CCDC192: variants seen among roughly 807,000 people sequenced by gnomAD.
The protein encoded by CCDC192 is coiled-coil domain containing 192, also known as coiled-coil domain-containing protein 192.
chr5:127,743,429 A>G (rs1288372636), intron 2 of CCDC192, among the ~76,000 whole-genome samples: 2 of 152,188 alleles, frequency 1.3e-5, no homozygotes, highest in Non-Finnish European at 2.9e-5. Context: ...TGTCTTGATC[A>G]ATACATTCTT....
At chr5:127,841,083 T>C (rs1044634436) in intron 5 of CCDC192, among the ~76,000 whole-genome samples, 4 of 152,194 alleles carry the variant, frequency 2.6e-5, no homozygotes, top group African/African-American at 9.7e-5. Flanking sequence ...TACTTTACAG[T>C]GCCAGGAACA....
At chr5:127,854,691 G>A (rs756098829) in intron 5 of CCDC192, among the ~76,000 whole-genome samples, 3 of 152,050 alleles carry the variant, frequency 2.0e-5, no homozygotes, top group Non-Finnish European at 4.4e-5. Context: ...TCACATACAC[G>A]CATACCTCAG....
intron 2 of CCDC192, among the ~76,000 whole-genome samples, chr5:127,727,913 C>T (rs1216375074): frequency 1.3e-5 from 2 of 152,216 alleles, no homozygotes; most frequent in African/African-American, 4.8e-5. Context: ...GTATCTACAG[C>T]CAAATAGACC....
intron 6 of CCDC192, among the ~76,000 whole-genome samples, chr5:127,923,478 C>G (rs1219994496): frequency 6.6e-6 from 1 of 151,638 alleles, no homozygotes; most frequent in Admixed American, 6.6e-5. Context: ...CCCGGATTCA[C>G]GCCATTCTCC....
chr5:127,883,285 C>G (rs948761871), intron 6 of CCDC192, among the ~76,000 whole-genome samples: 1 of 152,198 alleles, frequency 6.6e-6, no homozygotes, highest in Non-Finnish European at 1.5e-5. Flanking sequence ...TACCACTGAA[C>G]TTTCAGATAC....
At chr5:127,901,420 G>A (rs1753035070) in intron 6 of CCDC192, among the ~76,000 whole-genome samples, 3 of 152,014 alleles carry the variant, frequency 2.0e-5, no homozygotes. Flanking sequence ...ATAAGGGGGA[G>A]GAGCACCTTG....
intron 5 of CCDC192, among the ~76,000 whole-genome samples, chr5:127,806,603 T>C (rs890687083): frequency 7.0e-6 from 1 of 142,420 alleles, no homozygotes; most frequent in Non-Finnish European, 1.5e-5. Flanking sequence ...AATATACAGA[T>C]TTTAGAGGTT....
chr5:127,806,825 T>C (rs1757813792), intron 5 of CCDC192, among the ~76,000 whole-genome samples: 1 of 152,210 alleles, frequency 6.6e-6, no homozygotes, highest in African/African-American at 2.4e-5. Flanking sequence ...TCTTAAAAAT[T>C]TAAATTACTT....
At chr5:127,730,025 G>C (rs1265653776) in intron 2 of CCDC192, among the ~76,000 whole-genome samples, 1 of 152,026 alleles carries the variant, frequency 6.6e-6, no homozygotes, top group African/African-American at 2.4e-5. Flanking sequence ...CAAAATCAAA[G>C]TGGAACTGAA....
At chr5:127,719,476 CATATATAT>C (rs71575703) in intron 2 of CCDC192, among the ~76,000 whole-genome samples, 7 of 127,704 alleles carry the variant, frequency 5.5e-5, no homozygotes, top group East Asian at 2.5e-4. Context: ...CAGACACATA[CATATATAT>C]ATATATATAT....
chr5:127,927,439 C>A (rs922063541), intron 6 of CCDC192, among the ~76,000 whole-genome samples: 1 of 152,096 alleles, frequency 6.6e-6, no homozygotes, highest in African/African-American at 2.4e-5. Context: ...TTGGAACTAT[C>A]CCCCGAGAAT....
chr5:127,716,245 A>C (rs971428416), intron 2 of CCDC192, among the ~76,000 whole-genome samples: 10 of 152,072 alleles, frequency 6.6e-5, no homozygotes, highest in African/African-American at 2.4e-4. Context: ...AATCCCACTT[A>C]ATCATGATGA....
chr5:127,726,020 GA>G (rs1430866575), intron 2 of CCDC192, among the ~76,000 whole-genome samples: 7 of 150,866 alleles, frequency 4.6e-5, no homozygotes, highest in Non-Finnish European at 8.9e-5. Flanking sequence ...TGATGAATAA[GA>G]AAAAAATAAT....
intron 3 of CCDC192, among the ~76,000 whole-genome samples, chr5:127,781,563 T>C (rs1756221764): frequency 6.6e-6 from 1 of 151,914 alleles, no homozygotes; most frequent in Non-Finnish European, 1.5e-5. Context: ...GTTATGTATA[T>C]TCCTAAGTAT....
At chr5:127,800,400 A>C (rs201526898) in intron 5 of CCDC192, among the ~76,000 whole-genome samples, 7 of 79,066 alleles carry the variant, frequency 8.9e-5, no homozygotes, top group Admixed American at 6.5e-4. Context: ...AAAAAAAAAA[A>C]ACAACAACAA....
At chr5:127,752,424 C>CG (rs1392788981) in intron 2 of CCDC192, among the ~76,000 whole-genome samples, 1 of 152,100 alleles carries the variant, frequency 6.6e-6, no homozygotes, top group Non-Finnish European at 1.5e-5. Context: ...TTAGGCTGCT[C>CG]GGGGGTCAGG....
intron 2 of CCDC192, among the ~76,000 whole-genome samples, chr5:127,734,147 G>A (rs927690981): frequency 5.3e-4 from 73 of 137,470 alleles, no homozygotes; most frequent in African/African-American, 1.9e-3. Context: ...TCATTGTTCA[G>A]TTCCCACCTA....
chr5:127,778,234 G>A (rs1015747702), intron 3 of CCDC192, among the ~76,000 whole-genome samples: 6 of 152,154 alleles, frequency 3.9e-5, no homozygotes, highest in South Asian at 2.1e-4. Flanking sequence ...CCACCATTGA[G>A]TACAATGCTA....
chr5:127,781,905 A>G (rs1756248924), intron 3 of CCDC192, among the ~76,000 whole-genome samples: 2 of 152,082 alleles, frequency 1.3e-5, no homozygotes, highest in South Asian at 4.2e-4. Context: ...GGGCATCCTT[A>G]TCTAGTTCCA....
Sources: gnomAD v4.1 joint callset for allele counts (sites outside exome capture counted in the v4.1 genomes callset) on GRCh38, gnomAD v4.1.1 for gene constraint, MANE v1.5 for transcripts, NCBI Gene and HGNC (gene_info 2026-07-23, HGNC 2026-07-21) for gene names.